Variants in DOT1L observed in about 807,000 individuals in gnomAD.
The protein encoded by DOT1L is histone-lysine N-methyltransferase, H3 lysine-79 specific.
In DOT1L, 33 loss-of-function variants were observed where a neutral mutation model predicts 153.3. The ratio of observed to expected loss-of-function variants is 0.22; its 90% confidence interval spans 0.16 to 0.29. DOT1L has a LOEUF of 0.29. Ranked by LOEUF, DOT1L falls within the 10% of genes least tolerant of loss-of-function variation. The pLI is 1.00. For missense variants in DOT1L, 1,847 were observed against 2,119.9 expected (o/e 0.87, Z 2.53); for synonymous variants, 1,135 against 965.1 (o/e 1.18, Z -3.26).
chr19:2,180,655 C>A, intron 1 of DOT1L, 58 bp from the exon 2 acceptor site: 1 of 1,602,488 alleles, frequency 6.2e-7, no homozygotes, highest in Non-Finnish European at 8.5e-7. Flanking sequence ...GGGAAGAGAG[C>A]GATGGGCTCA....
At chr19:2,177,663 CTT>C (rs1359830887) in intron 1 of DOT1L, among the ~76,000 whole-genome samples, 2 of 152,286 alleles carry the variant, frequency 1.3e-5, no homozygotes, top group African/African-American at 2.4e-5. Flanking sequence ...CCTATTTTCA[CTT>C]TGTCCGGGGC....
Position 2,190,394 on chromosome 19 carries a change from TGG to T in DOT1L, c.264+603_264+604del. Among the ~76,000 whole-genome samples the T allele has an allele frequency of 6.6e-6, 1 of 151,924 alleles. No homozygotes were observed. The highest frequency in any genetic ancestry group is 2.4e-5 in the African/African-American group (1 of 41,400). ...GGTCTTGCTGTGGAGGGAGCCCTGGTGGGGGTGGCATGGGCTCACTTGGCCCT... is the reference window on the plus strand; with the variant it reads ...GGTCTTGCTGTGGAGGGAGCCCTGGTGGGTGGCATGGGCTCACTTGGCCCT... On this transcript the variant is annotated intron_variant, in intron 4 of 27. Coordinates refer to ENST00000398665, the MANE Select transcript of DOT1L (RefSeq NM_032482.3). The surrounding 1 kb of genome is among the most constrained non-coding windows in gnomAD (Gnocchi z 4.8).
intron 27 of DOT1L, chr19:2,228,482 C>T (rs2024462580): frequency 5.8e-6 from 7 of 1,200,182 alleles, no homozygotes; most frequent in Non-Finnish European, 7.4e-6. Flanking sequence ...TTCCGGGGGT[C>T]CTGAGGAGGG....
intron 3 of DOT1L, among the ~76,000 whole-genome samples, chr19:2,187,790 CG>C (rs1481159389): frequency 6.6e-6 from 1 of 152,046 alleles, no homozygotes; most frequent in Non-Finnish European, 1.5e-5. Context: ...GGCGTGGTGG[CG>C]GGTGCCTGTA....
intron 27 of DOT1L, chr19:2,228,140 C>G: frequency 7.3e-7 from 1 of 1,364,984 alleles, no homozygotes; most frequent in African/African-American, 1.5e-5. Context: ...CTGCTAACGC[C>G]TCTTTGTCTA....
intron 9 of DOT1L, among the ~76,000 whole-genome samples, 153 bp from the exon 10 acceptor site, chr19:2,206,576 G>T (rs1003531): frequency 0.21 from 32,202 of 150,970 alleles, 4,342 homozygotes; most frequent in Middle Eastern, 0.3. Flanking sequence ...AACTTGGAAG[G>T]TGTTTCCTAG....
intron 1 of DOT1L, among the ~76,000 whole-genome samples, chr19:2,169,021 C>A (rs540870595): frequency 5.3e-5 from 8 of 152,168 alleles, no homozygotes; most frequent in Non-Finnish European, 1.0e-4. Flanking sequence ...GGCCACAGAA[C>A]GGGACCTTCC....
chr19:2,223,014 G>A (rs1193976761), intron 24 of DOT1L: 3 of 513,688 alleles, frequency 5.8e-6, no homozygotes, highest in African/African-American at 3.9e-5. Context: ...AGTGCGATGC[G>A]CTGCCTGCAA....
chr19:2,199,310 C>T (rs992697000), intron 7 of DOT1L, among the ~76,000 whole-genome samples: 3 of 152,212 alleles, frequency 2.0e-5, no homozygotes, highest in Non-Finnish European at 4.4e-5. Context: ...CCCCCAGGGA[C>T]TGGCGGCTCA....
At chr19:2,195,884 C>A (rs139357042) in intron 7 of DOT1L, among the ~76,000 whole-genome samples, 5 of 152,216 alleles carry the variant, frequency 3.3e-5, no homozygotes, top group Non-Finnish European at 7.3e-5. Context: ...TCTCACAGTT[C>A]AGAGGGATGC....
At chr19:2,221,191 C>A (rs12981430) in intron 23 of DOT1L, 29,339 of 152,978 alleles carry the variant, frequency 0.19, 3,555 homozygotes, top group Non-Finnish European at 0.27. Context: ...AACAAAACAA[C>A]AACAAAACAA....
Position 2,217,166 on chromosome 19 carries a change from G to T in DOT1L, c.2544+76G>T. On this transcript the variant is annotated intron_variant, in intron 21 of 27. Coordinates refer to ENST00000398665, the MANE Select transcript of DOT1L (RefSeq NM_032482.3). This position sits in a 1 kb window ranked among gnomAD's most constrained non-coding sequence, Gnocchi z 7.3. ...GGCCTGAGCGAGTTGCTAGCAGGAG[G>T]GCTTGTCCTAGTTGACCTTGGGGCA... is the stretch of plus-strand genomic sequence containing the variant. 6.8e-7 allele frequency: 1 copy of T among 1,477,100 alleles called. No individual in the cohort carries two copies. 91.5% of individuals were successfully genotyped at this position (1,477,100 alleles called of 1,614,324 possible). A position where few individuals can be genotyped will look rare whatever the true frequency, so the allele number is the denominator to read the frequency against.
rs887796552 is a variant in DOT1L, at chr19:2,222,880, GACAAAAAAAAAC to G, written c.3390+335_3390+346del. The G allele has an allele frequency of 4.8e-5, 19 of 392,528 alleles. No homozygotes were observed. The highest frequency in any genetic ancestry group is 7.2e-5 in the Non-Finnish European group (16 of 220,742). The allele number at this position is 392,528 out of a possible 1,614,324, so 24.3% of individuals were successfully genotyped here. On this transcript the variant is annotated intron_variant, in intron 24 of 27. Coordinates refer to ENST00000398665, the MANE Select transcript of DOT1L (RefSeq NM_032482.3). The surrounding 1 kb of genome is among the most constrained non-coding windows in gnomAD (Gnocchi z 6.5). ...ACAGAGCGAGACTCCCTCTCGGGGG[GACAAAAAAAAAC>G]ACAAAAAAAAACAGGTGGAGGCAGG...
intron 2 of DOT1L, among the ~76,000 whole-genome samples, chr19:2,184,630 C>T (rs942540608): frequency 7.9e-5 from 12 of 152,168 alleles, no homozygotes; most frequent in African/African-American, 2.9e-4. Context: ...CACAGCGGCT[C>T]AGTGACTGGT....
intron 7 of DOT1L, among the ~76,000 whole-genome samples, chr19:2,195,891 A>G (rs1051727025): frequency 1.3e-5 from 2 of 152,208 alleles, no homozygotes; most frequent in African/African-American, 2.4e-5. Context: ...GTTCAGAGGG[A>G]TGCATGAGGG....
chr19:2,185,178 A>G (rs2022435853), intron 2 of DOT1L, among the ~76,000 whole-genome samples: 1 of 152,072 alleles, frequency 6.6e-6, no homozygotes, highest in African/African-American at 2.4e-5. Flanking sequence ...TGCTGGGATT[A>G]CAGGTGTGAG....
rs2144939186 is a variant in DOT1L, at chr19:2,227,038, G to A, written c.4517G>A (p.Gly1506Asp). 2 of 1,581,756 alleles carry A rather than the reference G, an allele frequency of 1.3e-6. No homozygotes were observed. The highest frequency in any genetic ancestry group is 1.7e-6 in the Non-Finnish European group (2 of 1,170,300). ...SLFSSVPAAA[G>D]LVHVSSAATR... is the part of the protein sequence containing the mutation. ...TTCAGCTCTGTGCCGGCCGCCGCAG[G>A]CCTGGTGCACGTGTCGTCCGCTGCC... The change falls in exon 27 of 28, where the codon GGC becomes GAC. Residue 1506 changes from glycine (G) to aspartate (D), a missense_variant. Around this residue, in one of 8 missense-constraint regions of DOT1L, gnomAD observed 934 missense variants for 825.3 expected, o/e 1.13. Coordinates refer to ENST00000398665, the MANE Select transcript of DOT1L (RefSeq NM_032482.3).
chr19:2,210,407 A>G lies in DOT1L; in HGVS notation c.1013A>G (p.Gln338Arg). ...AACCTGCTCTCCTTCCAGGAGGAAC[A>G]GGAGGCAGCCCGGCGCCGCCAGCAG... ...SLKNPKLREEQEAARRRQQRE... is the reference protein window; with the variant it reads ...SLKNPKLREEREAARRRQQRE... The change falls in exon 13 of 28, where the codon CAG (glutamine) becomes CGG (arginine). Residue 338 changes from glutamine (Q) to arginine (R), a missense_variant. By Grantham distance (43) the Gln-to-Arg change is conservative. Coordinates refer to ENST00000398665, the MANE Select transcript of DOT1L (RefSeq NM_032482.3). 6.5e-7 allele frequency: 1 copy of G among 1,539,456 alleles called. No individual in the cohort carries two copies.
At chr19:2,227,636 G>A in intron 27 of DOT1L, 9 of 1,215,576 alleles carry the variant, frequency 7.4e-6, no homozygotes, top group Non-Finnish European at 9.6e-6. Flanking sequence ...CACGCCTGGC[G>A]GCGCCGTTTC....
Sources: gnomAD v4.1 joint callset for allele counts (sites outside exome capture counted in the v4.1 genomes callset) on GRCh38, gnomAD v4.1.1 for gene constraint, gnomAD v4.1.1 regional missense constraint, Gnocchi (gnomAD v3.1) non-coding constraint, MANE v1.5 for transcripts, NCBI Gene and HGNC (gene_info 2026-07-23, HGNC 2026-07-21) for gene names.